WDR3: variants seen among roughly 807,000 people sequenced by gnomAD.
The protein encoded by WDR3 is WD repeat domain 3.
Under a neutral mutation model 123.7 loss-of-function variants are expected in WDR3, and 81 were observed. That is an observed-to-expected ratio of 0.65 (90% CI 0.55 to 0.79). The LOEUF (loss-of-function observed/expected upper bound fraction) is 0.79. Among genes scored for constraint, WDR3 ranks in the 30% least tolerant of loss-of-function variants. The probability of loss-of-function intolerance (pLI) is 0.00; values close to 1 mark genes in which losing one functional copy is unlikely to be tolerated. For synonymous variants in WDR3, 390 were observed against 388.8 expected (o/e 1.00, Z -0.04); for missense variants, 1,027 against 1,123.2 (o/e 0.91, Z 1.22).
At chr1:117,953,940 C>G (rs532257474) in intron 21 of WDR3, 67 bp from the exon 22 acceptor site, 1 of 1,362,622 alleles carries the variant, frequency 7.3e-7, no homozygotes, top group African/African-American at 1.5e-5. Context: ...GTCAGTTCTT[C>G]CAGTTTCAGT....
intron 6 of WDR3, among the ~76,000 whole-genome samples, chr1:117,939,956 T>G (rs1347309749): frequency 6.6e-6 from 1 of 152,220 alleles, no homozygotes; most frequent in Non-Finnish European, 1.5e-5. Flanking sequence ...TTCTTAGACA[T>G]TCAAAGAATT....
Position 117,943,763 on chromosome 1 carries a change from T to C in WDR3, c.1328+137T>C, listed in dbSNP as rs944172480. On this transcript the variant is annotated intron_variant, in intron 11 of 26. Transcript: ENST00000349139. ...TTAGTGCATTTGGGCCATTAGCCTG[T>C]GGAGCTTAGAGAAGAAAAAGTTGCC... The C allele has an allele frequency of 5.2e-6, 4 of 764,194 alleles. No homozygotes were observed. The African/African-American group carries it at 7.1e-5, about 14-fold the overall frequency. 47.3% of individuals were successfully genotyped at this position (764,194 alleles called of 1,614,324 possible). A position where few individuals can be genotyped will look rare whatever the true frequency, so the allele number is the denominator to read the frequency against.
At chr1:117,950,775 G>A in intron 15 of WDR3, 59 bp from the exon 16 acceptor site, 2 of 1,374,970 alleles carry the variant, frequency 1.5e-6, no homozygotes, top group South Asian at 1.2e-5. Context: ...AGACCTACAT[G>A]TAATAAATTA....
intron 13 of WDR3, 61 bp downstream of exon 13, chr1:117,948,567 A>C: frequency 8.3e-7 from 1 of 1,201,596 alleles, no homozygotes; most frequent in Non-Finnish European, 1.2e-6. Flanking sequence ...GATTTCTCTC[A>C]GGGTTTCTTT....
intron 20 of WDR3, 82 bp downstream of exon 20, chr1:117,953,078 A>G (rs1651703353): frequency 4.0e-6 from 6 of 1,484,324 alleles, no homozygotes; most frequent in Admixed American, 2.0e-5. Context: ...CAGAATTTCT[A>G]ATAGAATTAA....
chr1:117,942,302 G>T (rs984212949), intron 9 of WDR3, 135 bp from the exon 10 acceptor site: 1 of 701,494 alleles, frequency 1.4e-6, no homozygotes, highest in Admixed American at 2.7e-5. Flanking sequence ...AATTATCATG[G>T]TAATCCTGTG....
intron 20 of WDR3, among the ~76,000 whole-genome samples, 159 bp from the exon 21 acceptor site, chr1:117,953,317 A>G (rs970890937): frequency 6.6e-6 from 1 of 152,196 alleles, no homozygotes; most frequent in Admixed American, 6.6e-5. Flanking sequence ...ATGTTCTTAC[A>G]ATAATACATA....
intron 6 of WDR3, among the ~76,000 whole-genome samples, chr1:117,940,108 T>G (rs1341946811): frequency 6.6e-6 from 1 of 152,218 alleles, no homozygotes; most frequent in Non-Finnish European, 1.5e-5. Context: ...TCTACCTGTC[T>G]TGCGATGCTT....
At chr1:117,934,359 G>A in intron 2 of WDR3, 114 bp from the exon 3 acceptor site, 1 of 948,968 alleles carries the variant, frequency 1.1e-6, no homozygotes, top group South Asian at 1.7e-5. Context: ...TTATTCATAA[G>A]AGTAATTTGG....
At position 117,960,839 on chromosome 1, in the gene WDR3, T is replaced by C. The variant is rs1652980786; in HGVS notation, c.*1392T>C. 1 of 152,252 alleles carries C rather than the reference T, an allele frequency of 6.6e-6. No homozygotes were observed. Among genetic ancestry groups the C allele is most frequent in the Non-Finnish European group, 1.5e-5 (1 of 68,054 alleles). The allele number at this position is 152,252 out of a possible 1,614,324, so 9.4% of individuals were successfully genotyped here. The stretch of plus-strand genomic sequence containing the variant: ...GTGTGTGTTAATGTTGATAATAGAT[T>C]TGCGTGTATTTTATGGCAGTAAATG... On this transcript the variant is annotated 3_prime_UTR_variant, in exon 27 of 27. Coordinates refer to ENST00000349139, the MANE Select transcript of WDR3 (RefSeq NM_006784.3).
intron 25 of WDR3, 47 bp downstream of exon 25, chr1:117,957,243 T>C: frequency 1.3e-6 from 2 of 1,584,894 alleles, no homozygotes; most frequent in Non-Finnish European, 1.7e-6. Flanking sequence ...GCAGAACTGC[T>C]TCAGTAGTAC....
intron 16 of WDR3, among the ~76,000 whole-genome samples, chr1:117,951,508 C>CTTTTTTTTTTTTTTTTT (rs60053262): frequency 7.8e-6 from 1 of 128,794 alleles, no homozygotes; most frequent in Non-Finnish European, 1.7e-5. Flanking sequence ...AAATGTATTT[C>CTTTTTTTTTTTTTTTTT]TTTTTTTTTT....
At chr1:117,946,549 A>G (rs903608997) in intron 12 of WDR3, among the ~76,000 whole-genome samples, 56 of 152,308 alleles carry the variant, frequency 3.7e-4, no homozygotes, top group African/African-American at 1.3e-3. Context: ...AGTAAAGACA[A>G]ACTGATCAAG....
In WDR3 at chr1:117,953,509, A is replaced by G. The variant is rs1170891821; in HGVS notation, c.2236A>G (p.Thr746Ala). The G allele has an allele frequency of 6.2e-7, 1 of 1,612,718 alleles. No individual in the cohort carries two copies. Among genetic ancestry groups the G allele is most frequent in the Non-Finnish European group, 8.5e-7 (1 of 1,179,156 alleles). The stretch of plus-strand genomic sequence containing the variant: ...AGAGACTCAAGGTGACAGTTACTTT[A>G]CTGGAAAGAAAACTATTGAAACAGT... The part of the protein sequence containing the change: ...PGETQGDSYF[T>A]GKKTIETVKA... The change falls in exon 21 of 27, where the codon ACT becomes GCT. Residue 746 changes from threonine (T) to alanine (A), a missense_variant. Transcript: ENST00000349139.
Position 117,963,651 on chromosome 1 carries a change from ACCGGGC to A in WDR3, c.*4209_*4214del, listed in dbSNP as rs1177888742. ...AGTGCTGGGATTACAGGTGTGAGCC[ACCGGGC>A]CCGGCCTAAACAAATATTTTCATTC... On this transcript the variant is annotated 3_prime_UTR_variant, in exon 27 of 27. Transcript: ENST00000349139. The A allele has an allele frequency of 1.5e-6, 1 of 665,610 alleles. No homozygotes were observed. Among genetic ancestry groups the A allele is most frequent in the Non-Finnish European group, 2.4e-6 (1 of 421,156 alleles). The allele number at this position is 665,610 out of a possible 1,614,324, so 41.2% of individuals were successfully genotyped here.
At chr1:117,953,666 G>A (rs776252758) in intron 21 of WDR3, 125 bp downstream of exon 21, 2 of 857,048 alleles carry the variant, frequency 2.3e-6, no homozygotes, top group Admixed American at 2.6e-5. Flanking sequence ...TTAAAGATGG[G>A]GATTATAACC....
rs1653244438 is a variant in WDR3, at chr1:117,962,535, C to G, written c.*3088C>G. The G allele has an allele frequency of 6.8e-6, 1 of 148,080 alleles. No individual in the cohort carries two copies. The highest frequency in any genetic ancestry group is 6.7e-5 in the Admixed American group (1 of 14,954). The allele number at this position is 148,080 out of a possible 1,614,324, so 9.2% of individuals were successfully genotyped here. A position where few individuals can be genotyped will look rare whatever the true frequency, so the allele number is the denominator to read the frequency against. On this transcript the variant is annotated 3_prime_UTR_variant, in exon 27 of 27. Transcript: ENST00000349139. ...TGCACTCCAGTCTGGGCAACAGAGCCAGACTCCATTGAAAAAAAAAAAAAA... is the reference window on the plus strand; with the variant it reads ...TGCACTCCAGTCTGGGCAACAGAGCGAGACTCCATTGAAAAAAAAAAAAAA...
chr1:117,959,306 C>A lies in WDR3; in HGVS notation c.2691C>A (p.Phe897Leu), dbSNP rs373860081. The A allele has an allele frequency of 1.2e-5, 19 of 1,611,284 alleles. No homozygotes were observed. Among genetic ancestry groups the A allele is most frequent in the Non-Finnish European group, 1.6e-5 (19 of 1,179,344 alleles). The change falls in exon 27 of 27, where the codon TTC becomes TTA. Residue 897 changes from phenylalanine to leucine, a missense_variant. Coordinates refer to ENST00000349139, the MANE Select transcript of WDR3 (RefSeq NM_006784.3). ...TTGCACTCCAGGATGTTATCGGCTT[C>A]AATATGGCTGGTCTTGATTATCTCA... ...KVSQVRDVIG[F>L]NMAGLDYLKR...
At chr1:117,958,887 G>C (rs373379294) in intron 25 of WDR3, 23 bp from the exon 26 acceptor site, 2 of 1,605,060 alleles carry the variant, frequency 1.2e-6, no homozygotes, top group South Asian at 1.1e-5. Flanking sequence ...CTGCAACATG[G>C]CTGTGTTTTG....
Sources: gnomAD v4.1 joint callset for allele counts (sites outside exome capture counted in the v4.1 genomes callset) on GRCh38, gnomAD v4.1.1 for gene constraint, MANE v1.5 for transcripts, NCBI Gene and HGNC (gene_info 2026-07-23, HGNC 2026-07-21) for gene names.